Variants in ZC3H6 observed in about 807,000 individuals in gnomAD.
ZC3H6 encodes zinc finger CCCH-type containing 6.
Under a neutral mutation model 107.7 loss-of-function variants are expected in ZC3H6, and 40 were observed. The observed-to-expected ratio is 0.37, with a 90% CI of 0.29 to 0.48. The LOEUF is 0.48. Among genes scored for constraint, ZC3H6 ranks in the 20% least tolerant of loss-of-function variants. The probability of loss-of-function intolerance (pLI) is 0.98; values close to 1 mark genes in which losing one functional copy is unlikely to be tolerated. For missense variants in ZC3H6, 1,267 were observed against 1,410.4 expected, an observed-to-expected ratio of 0.90 and a Z score of 1.63; for synonymous variants, 493 against 487.9, an observed-to-expected ratio of 1.01 and a Z score of -0.14.
intron 3 of ZC3H6, among the ~76,000 whole-genome samples, chr2:112,307,199 C>A (rs1489905794): frequency 6.6e-6 from 1 of 152,190 alleles, no homozygotes; most frequent in Non-Finnish European, 1.5e-5. Flanking sequence ...AATCCCTTTT[C>A]TTAGATAACA....
intron 1 of ZC3H6, among the ~76,000 whole-genome samples, chr2:112,283,051 A>G (rs1193744594): frequency 3.3e-5 from 5 of 152,048 alleles, no homozygotes; most frequent in African/African-American, 9.7e-5. Context: ...ATTTAGTCCT[A>G]TCTTTTGCTT....
At chr2:112,325,721 A>T (rs897394827) in intron 11 of ZC3H6, among the ~76,000 whole-genome samples, 3 of 152,248 alleles carry the variant, frequency 2.0e-5, no homozygotes, top group Admixed American at 6.5e-5. Context: ...CAGTTTAAGG[A>T]TTTTGAATTC....
At position 112,331,777 on chromosome 2, in the gene ZC3H6, A is replaced by T. The variant is rs778632062; in HGVS notation, c.2859A>T (p.Ser953=). ...GCTACCTAGAACAATTTGGAGACTC[A>T]CACGGTTCAGGAGCTAAATTAGGAG... The part of the protein sequence containing the change: ...REGYLEQFGD[S]HGSGAKLGDP... The change falls in exon 12 of 12, where the codon TCA becomes TCT. Residue 953 remains serine (S), a synonymous_variant. Coordinates refer to ENST00000409871, the MANE Select transcript of ZC3H6 (RefSeq NM_198581.3). 3.7e-6 allele frequency: 6 copies of T among 1,613,726 alleles called. No homozygotes were observed. The highest frequency in any genetic ancestry group is 4.2e-6 in the Non-Finnish European group (5 of 1,179,832).
Position 112,300,002 on chromosome 2 carries a change from CA to C in ZC3H6, c.190del (p.Arg64GlyfsTer58). ...AGAAAGAGAGAGAGAAGAAAAAATC[CA>C]AAAGGAGAAAACGTGAGAAACATAA... ...HKKEREKKKS[K>X]RRKREKHKHN... On this transcript the variant is annotated frameshift_variant, in exon 2 of 12. Coordinates refer to ENST00000409871, the MANE Select transcript of ZC3H6 (RefSeq NM_198581.3). LOFTEE classifies it high-confidence loss of function. 6.8e-7 allele frequency: 1 copy of C among 1,464,012 alleles called. No homozygotes were observed. Among genetic ancestry groups the C allele is most frequent in the South Asian group, 1.5e-5 (1 of 67,948 alleles). The allele number at this position is 1,464,012 out of a possible 1,614,324, so 90.7% of individuals were successfully genotyped here. A position where few individuals can be genotyped will look rare whatever the true frequency, so the allele number is the denominator to read the frequency against.
At chr2:112,316,648 C>A (rs530268725) in intron 6 of ZC3H6, 62 bp downstream of exon 6, 5 of 1,080,120 alleles carry the variant, frequency 4.6e-6, no homozygotes, top group South Asian at 1.6e-5. Context: ...AAATTAAAGT[C>A]TTTTGGGGGA....
intron 7 of ZC3H6, 134 bp downstream of exon 7, chr2:112,317,466 C>A (rs1676720724): frequency 2.0e-6 from 1 of 495,732 alleles, no homozygotes; most frequent in African/African-American, 2.0e-5. Context: ...TACATAAACC[C>A]AGTCTAGTCA....
chr2:112,305,797 CA>C (rs1229659767), intron 3 of ZC3H6, among the ~76,000 whole-genome samples: 1 of 152,144 alleles, frequency 6.6e-6, no homozygotes, highest in African/African-American at 2.4e-5. Flanking sequence ...TTCATTTTGT[CA>C]TAATTTCAGG....
intron 1 of ZC3H6, among the ~76,000 whole-genome samples, chr2:112,290,629 T>A (rs2104699240): frequency 6.6e-6 from 1 of 152,080 alleles, no homozygotes; most frequent in Non-Finnish European, 1.5e-5. Context: ...GGTGAATAAA[T>A]ACGTGTTAAA....
Position 112,300,007 on chromosome 2 carries a change from G to A in ZC3H6, c.191G>A (p.Arg64Lys). ...KKEREKKKSK[R>K]RKREKHKHNS... ...GAGAGAGAGAAGAAAAAATCCAAAA[G>A]GAGAAAACGTGAGAAACATAAGGTT... Residue 64 changes from arginine to lysine, a missense_variant, in exon 2 of 12, where the codon AGG becomes AAG. Arg to Lys is a conservative substitution (Grantham distance 26, BLOSUM62 2). Transcript: ENST00000409871. 6.8e-7 allele frequency: 1 copy of A among 1,467,260 alleles called. No individual in the cohort carries two copies. The highest frequency in any genetic ancestry group is 9.0e-7 in the Non-Finnish European group (1 of 1,112,052). 90.9% of individuals were successfully genotyped at this position (1,467,260 alleles called of 1,614,324 possible).
At chr2:112,307,302 C>A (rs184394115) in intron 3 of ZC3H6, among the ~76,000 whole-genome samples, 42 of 152,246 alleles carry the variant, frequency 2.8e-4, no homozygotes, top group Admixed American at 2.4e-3. Flanking sequence ...AATTTAGCTT[C>A]TTTTTTCCTC....
At chr2:112,305,016 A>T (rs1181191506) in intron 3 of ZC3H6, among the ~76,000 whole-genome samples, 1 of 152,220 alleles carries the variant, frequency 6.6e-6, no homozygotes, top group Middle Eastern at 3.2e-3. Context: ...TTGGGTAAAT[A>T]TCAGAATGTT....
Position 112,334,231 on chromosome 2 carries a change from A to AT in ZC3H6, c.*1744dup, listed in dbSNP as rs1460324878. On this transcript the variant is annotated 3_prime_UTR_variant, in exon 12 of 12. Transcript: ENST00000409871. ...TGTTGTTAATTGAGAAGTCAATAAAATGGATTAAACTGACAGAAAAAAAAC... is the reference window on the plus strand; with the variant it reads ...TGTTGTTAATTGAGAAGTCAATAAAATTGGATTAAACTGACAGAAAAAAAAC... The AT allele has an allele frequency of 6.6e-5, 10 of 152,146 alleles. No homozygotes were observed. The highest frequency in any genetic ancestry group is 2.2e-4 in the African/African-American group (9 of 41,462). The allele number at this position is 152,146 out of a possible 1,614,324, so 9.4% of individuals were successfully genotyped here. A position where few individuals can be genotyped will look rare whatever the true frequency, so the allele number is the denominator to read the frequency against.
Position 112,324,165 on chromosome 2 carries a change from T to C in ZC3H6, c.1354T>C (p.Tyr452His). The C allele has an allele frequency of 6.3e-7, 1 of 1,579,986 alleles. No homozygotes were observed. Among genetic ancestry groups the C allele is most frequent in the Non-Finnish European group, 8.6e-7 (1 of 1,156,758 alleles). Residue 452 changes from tyrosine to histidine, a missense_variant, in exon 10 of 12, where the codon TAT becomes CAT. Transcript: ENST00000409871. Reference protein sequence around the residue: ...HKIGRKPPAFYTSASPPGPQF... With the variant: ...HKIGRKPPAFHTSASPPGPQF... The stretch of plus-strand genomic sequence containing the variant: ...TTCTGTCTACAGGCCACCAGCATTT[T>C]ATACCAGTGCCTCACCACCAGGACC...
chr2:112,287,243 C>T (rs558917518), intron 1 of ZC3H6, among the ~76,000 whole-genome samples: 7 of 151,958 alleles, frequency 4.6e-5, no homozygotes, highest in Non-Finnish European at 5.9e-5. Flanking sequence ...CACTGAAAGC[C>T]TAAATCAAGA....
chr2:112,298,570 C>G (rs1489417534), intron 1 of ZC3H6, among the ~76,000 whole-genome samples: 1 of 152,170 alleles, frequency 6.6e-6, no homozygotes, highest in Non-Finnish European at 1.5e-5. Flanking sequence ...TAAGTAAGCC[C>G]CATATCAAGA....
At position 112,333,630 on chromosome 2, in the gene ZC3H6, A is replaced by G. The variant is rs1677080875; in HGVS notation, c.*1142A>G. 6.6e-6 allele frequency: 1 copy of G among 152,146 alleles called. No homozygotes were observed. The highest frequency in any genetic ancestry group is 1.9e-4 in the East Asian group (1 of 5,206). 9.4% of individuals were successfully genotyped at this position (152,146 alleles called of 1,614,324 possible). A position where few individuals can be genotyped will look rare whatever the true frequency, so the allele number is the denominator to read the frequency against. On this transcript the variant is annotated 3_prime_UTR_variant, in exon 12 of 12. Transcript: ENST00000409871. ...AAATAACTTGTATTCATTCTTGTGT[A>G]TTTATTACAATATATAAATAATGGC...
chr2:112,310,054 A>G lies in ZC3H6; in HGVS notation c.506A>G (p.Asn169Ser), dbSNP rs541236240. Residue 169 changes from asparagine (N) to serine (S), a missense_variant, in exon 4 of 12, where the codon AAT becomes AGT. Physicochemically the swap from Asn to Ser is conservative, Grantham distance 46. Around this residue, in one of 3 missense-constraint regions of ZC3H6, gnomAD observed 337 missense variants for 361.2 expected, o/e 0.93. Transcript: ENST00000409871. ...CAGGAAACAGAGGAAGATTTTGCCA[A>G]TCAGCTGAAACAATACAGGCAAGCT... is the stretch of plus-strand genomic sequence containing the variant. ...YGQETEEDFANQLKQYRQAKE... is the reference protein window; with the variant it reads ...YGQETEEDFASQLKQYRQAKE... 10 of 1,613,594 alleles carry G rather than the reference A, an allele frequency of 6.2e-6. No homozygotes were observed. The highest frequency in any genetic ancestry group is 2.2e-5 in the South Asian group (2 of 90,958).
chr2:112,276,475 T>G (rs2104687598), intron 1 of ZC3H6, among the ~76,000 whole-genome samples: 3 of 152,180 alleles, frequency 2.0e-5, no homozygotes, highest in Middle Eastern at 6.8e-3. Flanking sequence ...AATAAACATT[T>G]GGTTTTCAGG....
At chr2:112,322,503 G>C in intron 8 of ZC3H6, 146 bp from the exon 9 acceptor site, 1 of 851,768 alleles carries the variant, frequency 1.2e-6, no homozygotes, top group Non-Finnish European at 1.7e-6. Context: ...GGCCTTCCAA[G>C]GTGTTGAGAT....
Sources: gnomAD v4.1 joint callset for allele counts (sites outside exome capture counted in the v4.1 genomes callset) on GRCh38, gnomAD v4.1.1 for gene constraint, gnomAD v4.1.1 regional missense constraint, MANE v1.5 for transcripts, NCBI Gene and HGNC (gene_info 2026-07-23, HGNC 2026-07-21) for gene names.